The following NRDE2 variants were observed in gnomAD, a reference collection of about 807,000 sequenced individuals.
NRDE2 encodes nuclear exosome regulator NRDE2.
NRDE2 carries 76 observed loss-of-function variants against 124.2 expected under a neutral mutation model. The ratio of observed to expected loss-of-function variants is 0.61; its 90% CI spans 0.51 to 0.74. The LOEUF is 0.74. NRDE2 is among the 30% of genes least tolerant of loss of function. The pLI, the probability that NRDE2 is intolerant of heterozygous loss-of-function variation, is 0.00. For synonymous variants in NRDE2, 489 were observed against 528.1 expected, an observed-to-expected ratio of 0.93 and a Z score of 1.01; for missense variants, 1,314 against 1,417.3, an observed-to-expected ratio of 0.93 and a Z score of 1.17.
At chr14:90,287,856 G>A (rs1892149386) in intron 11 of NRDE2, among the ~76,000 whole-genome samples, 1 of 152,120 alleles carries the variant, frequency 6.6e-6, no homozygotes. Context: ...AGAAGAGCTG[G>A]CACTGGAATC....
chr14:90,288,360 T>A lies in NRDE2; in HGVS notation c.3015A>T (p.Val1005=). Residue 1005 remains valine (V), a synonymous_variant, in exon 11 of 14, where the codon GTA becomes GTT. Transcript: ENST00000354366. ...PGNQVLWRSY[V]QIQNKSHSAS... ...CACTGTGGGACTTATTCTGAATCTGTACATAGGACCTCCAAAGAACCTGGT... is the reference window on the plus strand; with the variant it reads ...CACTGTGGGACTTATTCTGAATCTGAACATAGGACCTCCAAAGAACCTGGT... 1.2e-6 allele frequency: 2 copies of A among 1,614,176 alleles called. No homozygotes were observed. Among genetic ancestry groups the A allele is most frequent in the Non-Finnish European group, 1.7e-6 (2 of 1,180,028 alleles).
In NRDE2 at chr14:90,288,538, C is replaced by G. The variant is rs761640216; in HGVS notation, c.2837G>C (p.Gly946Ala). The G allele has an allele frequency of 6.2e-7, 1 of 1,614,156 alleles. No individual in the cohort carries two copies. Among genetic ancestry groups the G allele is most frequent in the Non-Finnish European group, 8.5e-7 (1 of 1,179,988 alleles). ...CCAACTCTGGGAGCTGGCACTGTCC[C>G]CCTCGCCAGAGCCTTCTGGGAAAAC... The part of the protein sequence containing the change: ...SSVFPEGSGE[G>A]DSASSQSWTS... The change falls in exon 11 of 14, where the codon GGG becomes GCG. Residue 946 changes from glycine (G) to alanine (A), a missense_variant. Coordinates refer to ENST00000354366, the MANE Select transcript of NRDE2 (RefSeq NM_017970.4).
At chr14:90,283,714 T>G (rs60978073) in intron 12 of NRDE2, among the ~76,000 whole-genome samples, 2,687 of 124,900 alleles carry the variant, frequency 0.022, 82 homozygotes, top group African/African-American at 0.082. Context: ...AGGTTTTTTG[T>G]TTTTTTTTTT....
At chr14:90,323,694 C>T (rs893408249) in intron 1 of NRDE2, among the ~76,000 whole-genome samples, 16 of 152,222 alleles carry the variant, frequency 1.1e-4, no homozygotes, top group African/African-American at 3.9e-4. Context: ...TTCAGCCCTT[C>T]CATGGAGTTA....
chr14:90,321,967 C>G (rs530399045), intron 1 of NRDE2, among the ~76,000 whole-genome samples: 33 of 152,224 alleles, frequency 2.2e-4, no homozygotes, highest in Non-Finnish European at 4.1e-4. Context: ...GACACCACCT[C>G]CTCCCCTATA....
In NRDE2 at chr14:90,273,919, T is replaced by C. The variant is rs547581089; in HGVS notation, c.*4417A>G. The C allele has an allele frequency of 6.5e-6, 1 of 154,974 alleles. No homozygotes were observed. Among genetic ancestry groups the C allele is most frequent in the South Asian group, 2.0e-4 (1 of 4,924 alleles). 9.6% of individuals were successfully genotyped at this position (154,974 alleles called of 1,614,324 possible). On this transcript the variant is annotated 3_prime_UTR_variant, in exon 14 of 14. Coordinates refer to ENST00000354366, the MANE Select transcript of NRDE2 (RefSeq NM_017970.4). ...CTGCCTTTTCTATTCTTATGGATCCTTGTGATTGCATTGGACCCATGCAGA... is the reference window on the plus strand; with the variant it reads ...CTGCCTTTTCTATTCTTATGGATCCCTGTGATTGCATTGGACCCATGCAGA...
At chr14:90,295,812 T>A (rs940023234) in intron 8 of NRDE2, among the ~76,000 whole-genome samples, 1 of 152,254 alleles carries the variant, frequency 6.6e-6, no homozygotes, top group Non-Finnish European at 1.5e-5. Context: ...CTTTTGACCC[T>A]TCTAGTTTTT....
rs531513729 is a variant in NRDE2 at position 90,282,214 on chromosome 14, C to T, written c.3298-3081G>A. 1.3e-3 allele frequency among the ~76,000 whole-genome samples: 204 copies of T among 152,254 alleles called. 1 individual carries two copies. The highest frequency in any genetic ancestry group is 2.7e-3 in the Non-Finnish European group (181 of 68,028). On this transcript the variant is annotated intron_variant, in intron 12 of 13. Transcript: ENST00000354366. ...TAAACAAGCCAGGCGCAGTGGCTCG[C>T]GCCCATGATCTGAACACTTTGGGAG...
intron 9 of NRDE2, 51 bp downstream of exon 9, chr14:90,292,646 G>A (rs773266666): frequency 2.9e-5 from 46 of 1,571,224 alleles, no homozygotes; most frequent in Non-Finnish European, 3.7e-5. Context: ...GGAATGGAAA[G>A]CAGGCAGGGA....
chr14:90,321,577 A>G lies in NRDE2; in HGVS notation c.65-3464T>C, dbSNP rs1885244806. Among the ~76,000 whole-genome samples, 3 of 151,856 alleles carry G rather than the reference A, an allele frequency of 2.0e-5. No homozygotes were observed. In the South Asian group the frequency reaches 6.2e-4, roughly 32 times the overall value. On this transcript the variant is annotated intron_variant, in intron 1 of 13. Transcript: ENST00000354366. Reference sequence around the variant, plus strand: ...AAAAAAAAAAAAAAAAAGAAAAGAAAAAAAGAAAGAAAGCTCTTGGGTTTT... The same window carrying G: ...AAAAAAAAAAAAAAAAAGAAAAGAAGAAAAGAAAGAAAGCTCTTGGGTTTT...
chr14:90,328,317 A>G (rs1167772705), intron 1 of NRDE2, among the ~76,000 whole-genome samples: 5 of 145,736 alleles, frequency 3.4e-5, no homozygotes, highest in Admixed American at 7.1e-5. Context: ...AAAAAAAAAA[A>G]AAAAAAGAAA....
In NRDE2 at chr14:90,268,664, G is replaced by A. The variant is rs932054294; in HGVS notation, c.*9672C>T. ...CACCCGCCCTGATCCAGGACCATCT[G>A]GACTCTAGGGACACAGTTGTGAGCA... is the stretch of plus-strand genomic sequence containing the variant. On this transcript the variant is annotated 3_prime_UTR_variant, in exon 14 of 14. Transcript: ENST00000354366. The A allele has an allele frequency of 2.6e-5, 10 of 389,568 alleles. No homozygotes were observed. The highest frequency in any genetic ancestry group is 1.9e-4 in the African/African-American group (9 of 48,408). 24.1% of individuals were successfully genotyped at this position (389,568 alleles called of 1,614,324 possible).
Position 90,270,139 on chromosome 14 carries a change from G to C in NRDE2, c.*8197C>G. The C allele has an allele frequency of 6.3e-7, 1 of 1,588,126 alleles. No individual in the cohort carries two copies. The highest frequency in any genetic ancestry group is 8.6e-7 in the Non-Finnish European group (1 of 1,162,224). On this transcript the variant is annotated 3_prime_UTR_variant, in exon 14 of 14. Coordinates refer to ENST00000354366, the MANE Select transcript of NRDE2 (RefSeq NM_017970.4). ...TAAGGAGATGGGCTGAGGCCTCTGA[G>C]CCATGGCCGAGCCTGGGTTTGGATG...
Position 90,289,179 on chromosome 14 carries a change from C to A in NRDE2, c.2230-34G>T, listed in dbSNP as rs1256730818. ...AAAAAGAGAAGAATGACTGCAGGTGCTCTGTAATTAAGGCGTCCTCTGCTG... is the reference window on the plus strand; with the variant it reads ...AAAAAGAGAAGAATGACTGCAGGTGATCTGTAATTAAGGCGTCCTCTGCTG... On this transcript the variant is annotated intron_variant, in intron 10 of 13. Transcript: ENST00000354366. The A allele has an allele frequency of 5.2e-6, 8 of 1,543,140 alleles. No homozygotes were observed. In the African/African-American group the frequency reaches 1.1e-4, roughly 21 times the overall value.
chr14:90,268,130 T>C lies in NRDE2; in HGVS notation c.*10206A>G, dbSNP rs1375736250. ...CCTTAGCATGAGGGCCCGCCTGTTT[T>C]TGGTGTCCATTTAAGGTGGTAATGA... On this transcript the variant is annotated 3_prime_UTR_variant, in exon 14 of 14. Transcript: ENST00000354366. The C allele has an allele frequency of 7.9e-5, 83 of 1,044,576 alleles. No homozygotes were observed. Among genetic ancestry groups the C allele is most frequent in the South Asian group, 4.2e-4 (24 of 57,810 alleles). The allele number at this position is 1,044,576 out of a possible 1,614,324, so 64.7% of individuals were successfully genotyped here.
chr14:90,287,051 A>AAAG (rs1475228443), intron 11 of NRDE2, among the ~76,000 whole-genome samples: 4 of 149,940 alleles, frequency 2.7e-5, no homozygotes, highest in Middle Eastern at 3.5e-3. Flanking sequence ...AAAAAAAAAA[A>AAAG]AAAAAAAAAA....
rs756103194 is a variant in NRDE2, at chr14:90,278,376, C to T, written c.3455G>A (p.Arg1152His). 1.6e-5 allele frequency: 25 copies of T among 1,611,150 alleles called. No homozygotes were observed. Among genetic ancestry groups the T allele is most frequent in the South Asian group, 6.6e-5 (6 of 91,014 alleles). Residue 1152 changes from arginine to histidine, a missense_variant, in exon 14 of 14, where the codon CGC becomes CAC. By Grantham distance (29) the Arg-to-His change is conservative (BLOSUM62 0). Coordinates refer to ENST00000354366, the MANE Select transcript of NRDE2 (RefSeq NM_017970.4). ...DLMTEKELRV[R>H]LPLEELELLL... ...CAGCTCCAGCTCCTCCAGCGGCAGG[C>T]GCACCCGGAGCTCCTTCTCAGTCAT...
chr14:90,285,363 A>G lies in NRDE2; in HGVS notation c.3297+991T>C, dbSNP rs548079093. Among the ~76,000 whole-genome samples the G allele has an allele frequency of 7.5e-3, 996 of 132,766 alleles. 5 individuals carry two copies. The highest frequency in any genetic ancestry group is 0.011 in the Admixed American group (133 of 12,122). The allele number at this position is 132,766 out of a possible 152,430, so 87.1% of individuals were successfully genotyped here. A position where few individuals can be genotyped will look rare whatever the true frequency, so the allele number is the denominator to read the frequency against. On this transcript the variant is annotated intron_variant, in intron 12 of 13. Coordinates refer to ENST00000354366, the MANE Select transcript of NRDE2 (RefSeq NM_017970.4). Reference sequence around the variant, plus strand: ...GTCGTTCAGGCTGGAGTAGAGTGGCATGACCTTGGCTCACTGCAGCCTCTG... The same window carrying G: ...GTCGTTCAGGCTGGAGTAGAGTGGCGTGACCTTGGCTCACTGCAGCCTCTG...
Position 90,303,960 on chromosome 14 carries a change from A to T in NRDE2, c.980T>A (p.Leu327Gln), listed in dbSNP as rs1246560985. The T allele has an allele frequency of 6.2e-7, 1 of 1,611,804 alleles. No homozygotes were observed. The highest frequency in any genetic ancestry group is 1.7e-5 in the Admixed American group (1 of 59,882). The change falls in exon 5 of 14, where the codon CTG (leucine) becomes CAG (glutamine). Residue 327 changes from leucine to glutamine, a missense_variant. By Grantham distance (113) the Leu-to-Gln change is moderately radical. Transcript: ENST00000354366. ...CTGAAAAGCAACAAATGCCATCCAC[A>T]GCTGCGTATCCCGAGGATTCTCCCG... ...RVRENPRDTQ[L>Q]WMAFVAFQDE...
Sources: gnomAD v4.1 joint callset for allele counts (sites outside exome capture counted in the v4.1 genomes callset) on GRCh38, gnomAD v4.1.1 for gene constraint, MANE v1.5 for transcripts, NCBI Gene and HGNC (gene_info 2026-07-23, HGNC 2026-07-21) for gene names.